SHANK2: variants seen among roughly 807,000 people sequenced by gnomAD.
SHANK2 encodes SH3 and multiple ankyrin repeat domains 2, also known as SH3 and multiple ankyrin repeat domains protein 2.
SHANK2 carries 43 observed loss-of-function variants against 133.7 expected under a neutral mutation model. The ratio of observed to expected loss-of-function variants is 0.32; its 90% CI spans 0.25 to 0.41. The LOEUF is 0.41. Among genes scored for constraint, SHANK2 ranks in the 10% least tolerant of loss-of-function variants. SHANK2 has a pLI of 1.00. For missense variants in SHANK2, 1,994 were observed against 2,235.8 expected, an observed-to-expected ratio of 0.89 and a Z score of 2.18; for synonymous variants, 1,017 against 952.8, an observed-to-expected ratio of 1.07 and a Z score of -1.24.
chr11:71,145,474 C>T lies in SHANK2; in HGVS notation c.207+1646G>A, dbSNP rs115696312. On this transcript the variant is annotated intron_variant, in intron 3 of 25. Transcript: ENST00000601538. ...TGGCTGAGTTCATCCCTAGAGGGCACGTGTCAGCACGTTAGTCCCCTCAGC... is the reference window on the plus strand; with the variant it reads ...TGGCTGAGTTCATCCCTAGAGGGCATGTGTCAGCACGTTAGTCCCCTCAGC... Among the ~76,000 whole-genome samples the T allele has an allele frequency of 8.4e-3, 1,277 of 152,312 alleles. 21 individuals are homozygous for T. Among genetic ancestry groups the T allele is most frequent in the African/African-American group, 0.029 (1,214 of 41,572 alleles).
chr11:71,248,185 T>C (rs1236486443), intron 1 of SHANK2, among the ~76,000 whole-genome samples: 1 of 152,228 alleles, frequency 6.6e-6, no homozygotes, highest in Non-Finnish European at 1.5e-5. Flanking sequence ...CAGAGGCGAC[T>C]GTACCCCAAA....
intron 11 of SHANK2, among the ~76,000 whole-genome samples, chr11:70,845,515 C>T (rs912522662): frequency 5.9e-5 from 9 of 152,032 alleles, no homozygotes; most frequent in East Asian, 1.9e-4. Flanking sequence ...GGGGCCAGCA[C>T]GGGGCCATCT....
chr11:71,083,978 T>TG (rs1303492988), intron 8 of SHANK2, among the ~76,000 whole-genome samples: 17,250 of 69,202 alleles, frequency 0.25, 1,144 homozygotes, highest in Non-Finnish European at 0.34. Context: ...CAACTTTTTT[T>TG]TGGGGGGGGG....
In SHANK2 at chr11:71,175,662, C is replaced by G. The variant is rs1252376506; in HGVS notation, c.-12-28324G>C. ...AGGAAGGGAAACTGGATTTAGCGTCCTACCTGAAACCACCCAAAATATATC... is the reference window on the plus strand; with the variant it reads ...AGGAAGGGAAACTGGATTTAGCGTCGTACCTGAAACCACCCAAAATATATC... On this transcript the variant is annotated intron_variant, in intron 2 of 25. Transcript: ENST00000601538. The surrounding 1 kb of genome is among the most constrained non-coding windows in gnomAD (Gnocchi z 4.2). Among the ~76,000 whole-genome samples, 1 of 151,390 alleles carries G rather than the reference C, an allele frequency of 6.6e-6. No homozygotes were observed. Among genetic ancestry groups the G allele is most frequent in the Admixed American group, 6.6e-5 (1 of 15,194 alleles).
intron 12 of SHANK2, among the ~76,000 whole-genome samples, chr11:70,811,847 C>T (rs565726132): frequency 6.6e-6 from 1 of 151,976 alleles, no homozygotes; most frequent in African/African-American, 2.4e-5. Flanking sequence ...CATGCATCTA[C>T]CCATCCACCC....
chr11:70,671,204 C>CG, intron 15 of SHANK2, among the ~76,000 whole-genome samples: 3 of 152,308 alleles, frequency 2.0e-5, no homozygotes, highest in Admixed American at 2.0e-4. Context: ...GAGACAGATA[C>CG]GGCTTAACTG....
chr11:70,695,004 C>T (rs1482776065), intron 15 of SHANK2, among the ~76,000 whole-genome samples: 1 of 152,160 alleles, frequency 6.6e-6, no homozygotes, highest in Non-Finnish European at 1.5e-5. Flanking sequence ...CTCAGGCTAA[C>T]CCTGCACCCG....
At chr11:70,717,385 G>T (rs1555027594) in intron 14 of SHANK2, among the ~76,000 whole-genome samples, 1 of 152,202 alleles carries the variant, frequency 6.6e-6, no homozygotes, top group African/African-American at 2.4e-5. Flanking sequence ...GGATCCCTGG[G>T]ATTCTGGATG....
intron 17 of SHANK2, among the ~76,000 whole-genome samples, chr11:70,654,763 G>T (rs868948918): frequency 4.4e-4 from 59 of 135,538 alleles, no homozygotes; most frequent in Admixed American, 1.5e-3. Context: ...TTTTGTTTTT[G>T]TTTTTTTTGT....
chr11:70,606,620 G>A (rs2060582288), intron 17 of SHANK2, among the ~76,000 whole-genome samples: 1 of 150,618 alleles, frequency 6.6e-6, no homozygotes, highest in Non-Finnish European at 1.5e-5. Context: ...AAGTCCTGCA[G>A]TACAATTACC....
rs114676986 is a variant in SHANK2 at position 71,243,843 on chromosome 11, A to G, written c.-113+8582T>C. On this transcript the variant is annotated intron_variant, in intron 1 of 25. Transcript: ENST00000601538. ...AAGAAGAAACAGAAAATCTAAAAAGACCTATGACAAGCAGAGATCCAATCA... is the reference window on the plus strand; with the variant it reads ...AAGAAGAAACAGAAAATCTAAAAAGGCCTATGACAAGCAGAGATCCAATCA... Among the ~76,000 whole-genome samples the G allele has an allele frequency of 5.6e-3, 847 of 152,290 alleles. 5 individuals carry two copies. Among genetic ancestry groups the G allele is most frequent in the African/African-American group, 0.02 (819 of 41,556 alleles).
At chr11:70,478,059 A>C (rs2058686627) in intron 25 of SHANK2, among the ~76,000 whole-genome samples, 1 of 152,252 alleles carries the variant, frequency 6.6e-6, no homozygotes, top group Non-Finnish European at 1.5e-5. Context: ...AATTAAAAAA[A>C]ATCAAGGTAA....
intron 10 of SHANK2, among the ~76,000 whole-genome samples, chr11:70,943,253 C>G (rs1950672959): frequency 6.6e-6 from 1 of 152,098 alleles, no homozygotes; most frequent in Non-Finnish European, 1.5e-5. Context: ...GGAGGTGGCT[C>G]AGCAGCAGAG....
intron 1 of SHANK2, among the ~76,000 whole-genome samples, chr11:71,244,552 T>A (rs945130738): frequency 6.6e-6 from 1 of 152,134 alleles, no homozygotes; most frequent in Non-Finnish European, 1.5e-5. Context: ...TTCAAGCTCA[T>A]CCTCTCCCAA....
chr11:70,885,001 G>T (rs1346540270), intron 11 of SHANK2, among the ~76,000 whole-genome samples: 1 of 152,226 alleles, frequency 6.6e-6, no homozygotes, highest in Non-Finnish European at 1.5e-5. Flanking sequence ...GATTACAGGC[G>T]TGAGACACTG....
At chr11:71,187,524 G>C (rs1167740015) in intron 2 of SHANK2, among the ~76,000 whole-genome samples, 1 of 151,852 alleles carries the variant, frequency 6.6e-6, no homozygotes, top group Non-Finnish European at 1.5e-5. Context: ...TTTTATTCAG[G>C]ACAGTTCATG....
intron 14 of SHANK2, among the ~76,000 whole-genome samples, chr11:70,791,893 C>A (rs568869766): frequency 6.6e-5 from 10 of 152,312 alleles, no homozygotes; most frequent in African/African-American, 2.2e-4. Flanking sequence ...CTACTTATTC[C>A]AGAAGGTTGG....
intron 9 of SHANK2, among the ~76,000 whole-genome samples, chr11:71,059,390 G>A (rs902248548): frequency 2.0e-5 from 3 of 152,168 alleles, no homozygotes; most frequent in Non-Finnish European, 2.9e-5. Flanking sequence ...ATGGTTGACG[G>A]TGGTGATGGT....
chr11:71,069,246 T>C (rs1951110105), intron 9 of SHANK2, among the ~76,000 whole-genome samples: 1 of 151,730 alleles, frequency 6.6e-6, no homozygotes, highest in Non-Finnish European at 1.5e-5. Flanking sequence ...ACCATTACCA[T>C]GGTTACTGTC....
Sources: allele counts gnomAD v4.1 joint callset (sites outside exome capture counted in the v4.1 genomes callset), GRCh38; gene constraint gnomAD v4.1.1; non-coding constraint Gnocchi (gnomAD v3.1); transcripts MANE v1.5; gene names NCBI Gene and HGNC (gene_info 2026-07-23, HGNC 2026-07-21).